Variants in ERAP1 observed in about 807,000 individuals in gnomAD.
The protein encoded by ERAP1 is adipocyte-derived leucine aminopeptidase.
Under a neutral mutation model 103.7 loss-of-function variants are expected in ERAP1, and 86 were observed. The ratio of observed to expected loss-of-function variants is 0.83; its 90% confidence interval spans 0.70 to 0.99. The LOEUF (loss-of-function observed/expected upper bound fraction) is 0.99. Among genes scored for constraint, ERAP1 ranks in the 50% least tolerant of loss-of-function variants. The probability of loss-of-function intolerance (pLI) is 0.00; values close to 1 mark genes in which losing one functional copy is unlikely to be tolerated. For synonymous variants in ERAP1, 398 were observed against 402.4 expected, an observed-to-expected ratio of 0.99 and a Z score of 0.13; for missense variants, 1,009 against 1,128.4, an observed-to-expected ratio of 0.89 and a Z score of 1.52.
At chr5:96,856,365 T>TATATATATATAGAGAGAGAGAGAG in the ERAP1 span, among the ~76,000 whole-genome samples, 6 of 20,366 alleles carry the variant, frequency 2.9e-4, no homozygotes, top group South Asian at 1.5e-3. Flanking sequence ...TATATATATA[T>TATATATATATAGAGAGAGAGAGAG]AGAGAGAGAG....
chr5:96,887,108 C>T, the ERAP1 span, among the ~76,000 whole-genome samples: 2,007 of 138,174 alleles, frequency 0.015, 51 homozygotes, highest in East Asian at 0.1. Flanking sequence ...TATACACACA[C>T]ACACACACAC....
At chr5:96,871,098 C>T in the ERAP1 span, among the ~76,000 whole-genome samples, 1 of 152,228 alleles carries the variant, frequency 6.6e-6, no homozygotes, top group Non-Finnish European at 1.5e-5. Flanking sequence ...TTCTGCAGCT[C>T]TCTCCTCTTT....
chr5:96,788,574 G>C lies in ERAP1; in HGVS notation c.1636C>G (p.Gln546Glu), dbSNP rs1429051572. ...TCAGAGCCCTTCATGTAGTGCTCTTGCTTCATGTGTACATTCCTCCCCCTC... is the reference window on the plus strand; with the variant it reads ...TCAGAGCCCTTCATGTAGTGCTCTTCCTTCATGTGTACATTCCTCCCCCTC... ...TVRGRNVHMK[Q>E]EHYMKGSDGA... Residue 546 changes from glutamine (Q) to glutamate (E), a missense_variant, in exon 11 of 19, where the codon CAA becomes GAA. Around this residue, in one of 3 missense-constraint regions of ERAP1, gnomAD observed 611 missense variants for 651.7 expected, o/e 0.94. Coordinates refer to ENST00000443439, the MANE Select transcript of ERAP1 (RefSeq NM_001040458.3). The C allele has an allele frequency of 2.5e-6, 4 of 1,614,088 alleles. No homozygotes were observed. The African/African-American group carries it at 5.3e-5, about 22-fold the overall frequency.
chr5:96,801,752 TG>T (rs1329635836), intron 2 of ERAP1, among the ~76,000 whole-genome samples: 1 of 144,172 alleles, frequency 6.9e-6, no homozygotes, highest in Non-Finnish European at 1.5e-5. Context: ...CTCAGGAGGC[TG>T]AGGCAGGAGA....
At chr5:96,771,593 A>T, downstream of ERAP1, 9 of 1,479,414 alleles carry the variant, frequency 6.1e-6, no homozygotes, top group Non-Finnish European at 8.5e-6. Flanking sequence ...CCATCTCCTC[A>T]TACTTAATAC....
intron 18 of ERAP1, among the ~76,000 whole-genome samples, chr5:96,778,453 G>T (rs1774670131): frequency 6.6e-6 from 1 of 152,162 alleles, no homozygotes; most frequent in South Asian, 2.1e-4. Flanking sequence ...AATAAAAAGT[G>T]CAGAGGCTTA....
At position 96,762,298 on chromosome 5, in the gene ERAP1, G is replaced by A; in HGVS notation, c.*902C>T. ...GAAATTTGAAGATGCTAAACTTGCT[G>A]CTGCCATCTCTGAAGTGGTTTCCCA... On this transcript the variant is annotated 3_prime_UTR_variant, in exon 20 of 20. Transcript: ENST00000296754. 3 of 1,607,652 alleles carry A rather than the reference G, an allele frequency of 1.9e-6. No homozygotes were observed. The Admixed American group carries it at 5.2e-5, about 28-fold the overall frequency.
At chr5:96,896,387 G>T in the ERAP1 span, 6 of 1,607,482 alleles carry the variant, frequency 3.7e-6, no homozygotes, top group South Asian at 3.3e-5. Flanking sequence ...ACTATTTTTT[G>T]AATGTGTGTT....
chr5:96,824,472 T>C, the ERAP1 span, among the ~76,000 whole-genome samples: 1 of 152,246 alleles, frequency 6.6e-6, no homozygotes, highest in Non-Finnish European at 1.5e-5. Context: ...CTGAGGTCTA[T>C]ACATCCCTAT....
intron 19 of ERAP1, among the ~76,000 whole-genome samples, chr5:96,765,552 G>C (rs1380957170): frequency 6.6e-6 from 1 of 152,088 alleles, no homozygotes; most frequent in African/African-American, 2.4e-5. Context: ...CTGGGAGGTA[G>C]GTGTGGGGTA....
the ERAP1 span, among the ~76,000 whole-genome samples, chr5:96,911,866 C>CAAAAA: frequency 7.1e-5 from 4 of 56,658 alleles, no homozygotes; most frequent in Admixed American, 2.3e-4. Flanking sequence ...GACCCTGTCT[C>CAAAAA]AAAAAAAAAA....
the ERAP1 span, among the ~76,000 whole-genome samples, chr5:96,901,313 G>C: frequency 6.6e-6 from 1 of 152,138 alleles, no homozygotes; most frequent in Admixed American, 6.5e-5. Context: ...CTCAATTCAA[G>C]TAATTTGCAG....
chr5:96,883,693 A>G, the ERAP1 span: 3 of 1,228,848 alleles, frequency 2.4e-6, no homozygotes, highest in Non-Finnish European at 3.4e-6. Context: ...AATCAAGTCT[A>G]TTACCCCCAG....
At chr5:96,763,040 G>A in exon 20 of ERAP1, 1 of 735,854 alleles carries the variant, frequency 1.4e-6, no homozygotes, top group East Asian at 2.5e-5. Context: ...AATTATAAAG[G>A]GATTGCCCTA....
chr5:96,855,695 C>G, the ERAP1 span, among the ~76,000 whole-genome samples: 1 of 151,992 alleles, frequency 6.6e-6, no homozygotes, highest in Non-Finnish European at 1.5e-5. Context: ...ACCGTTGGAT[C>G]ATTTCCACTT....
chr5:96,933,392 C>T, the ERAP1 span, among the ~76,000 whole-genome samples: 258 of 151,868 alleles, frequency 1.7e-3, 1 homozygote, highest in South Asian at 0.018. Context: ...GCCACCACTC[C>T]CGGCTAATTT....
the ERAP1 span, chr5:96,909,694 A>T: frequency 2.5e-6 from 4 of 1,614,200 alleles, no homozygotes; most frequent in Non-Finnish European, 3.4e-6. Flanking sequence ...CTGTGACCTG[A>T]ACCATGCTCC....
chr5:96,917,418 G>A, the ERAP1 span: 1 of 1,566,404 alleles, frequency 6.4e-7, no homozygotes, highest in South Asian at 1.1e-5. Flanking sequence ...ACCACACTCG[G>A]CCAAGACAAA....
At chr5:96,780,743 G>C (rs892891731) in intron 17 of ERAP1, among the ~76,000 whole-genome samples, 17 of 152,198 alleles carry the variant, frequency 1.1e-4, no homozygotes, top group Non-Finnish European at 2.5e-4. Flanking sequence ...ATAAGAGTTA[G>C]ACAAAGACAG....
Sources: allele counts gnomAD v4.1 joint callset (sites outside exome capture counted in the v4.1 genomes callset), GRCh38; gene constraint gnomAD v4.1.1; regional missense constraint gnomAD v4.1.1; transcripts MANE v1.5; gene names NCBI Gene and HGNC (gene_info 2026-07-23, HGNC 2026-07-21).